GABRB1: variants seen among roughly 807,000 people sequenced by gnomAD.
The protein encoded by GABRB1 is gamma-aminobutyric acid type A receptor subunit beta1, also known as gamma-aminobutyric acid receptor subunit beta-1.
A neutral mutation model predicts 51.6 loss-of-function variants in GABRB1; 17 were observed. The observed-to-expected ratio is 0.33, with a 90% CI of 0.23 to 0.49. The LOEUF is 0.49. Ranked by LOEUF, GABRB1 falls within the 20% of genes least tolerant of loss-of-function variation. GABRB1 has a pLI of 0.99. For synonymous variants in GABRB1, 247 were observed against 218.9 expected, an observed-to-expected ratio of 1.13 and a Z score of -1.14; for missense variants, 410 against 600.6, an observed-to-expected ratio of 0.68 and a Z score of 3.32.
At chr4:47,107,836 A>T in intron 3 of GABRB1, among the ~76,000 whole-genome samples, 1 of 152,206 alleles carries the variant, frequency 6.6e-6, no homozygotes, top group East Asian at 1.9e-4. Flanking sequence ...CCCAAAACTT[A>T]AAAGAGCTCA....
At chr4:47,345,480 G>A (rs1726055699) in intron 5 of GABRB1, among the ~76,000 whole-genome samples, 1 of 152,170 alleles carries the variant, frequency 6.6e-6, no homozygotes, top group South Asian at 2.1e-4. Context: ...GAGTTAACTA[G>A]GCAAAGAGGA....
chr4:47,214,347 T>C (rs1720474883), intron 4 of GABRB1, among the ~76,000 whole-genome samples: 1 of 152,202 alleles, frequency 6.6e-6, no homozygotes, highest in Admixed American at 6.5e-5. Flanking sequence ...CCTTGCAGTC[T>C]CTACCTCTCA....
At chr4:47,323,943 C>T (rs1298049356) in intron 5 of GABRB1, among the ~76,000 whole-genome samples, 1 of 152,106 alleles carries the variant, frequency 6.6e-6, no homozygotes, top group Non-Finnish European at 1.5e-5. Context: ...GGAATTTAGT[C>T]TAAAGCGTAT....
At chr4:47,148,462 C>T (rs372712736) in intron 3 of GABRB1, among the ~76,000 whole-genome samples, 1 of 152,054 alleles carries the variant, frequency 6.6e-6, no homozygotes, top group Admixed American at 6.6e-5. Flanking sequence ...CCTCTAAGCA[C>T]ATAACAATAT....
chr4:47,173,233 A>G (rs752695270), intron 4 of GABRB1, among the ~76,000 whole-genome samples: 6 of 152,324 alleles, frequency 3.9e-5, no homozygotes, highest in East Asian at 1.9e-4. Flanking sequence ...TTGTTCTACA[A>G]TACAAACATC....
intron 3 of GABRB1, among the ~76,000 whole-genome samples, chr4:47,067,443 G>A (rs1727134671): frequency 6.6e-6 from 1 of 152,078 alleles, no homozygotes; most frequent in South Asian, 2.1e-4. Context: ...CCAATAGAAG[G>A]CTGTTTCATC....
chr4:47,017,186 C>T (rs888954871), intron 1 of GABRB1, among the ~76,000 whole-genome samples: 6 of 152,158 alleles, frequency 3.9e-5, no homozygotes, highest in African/African-American at 1.2e-4. Flanking sequence ...ATAGTTTATG[C>T]GTTTATGAAA....
chr4:47,303,452 A>G (rs1724335267), intron 4 of GABRB1, among the ~76,000 whole-genome samples: 1 of 151,796 alleles, frequency 6.6e-6, no homozygotes, highest in Admixed American at 6.6e-5. Context: ...AGGAAATAAT[A>G]TCAAGTTACT....
At chr4:47,164,757 C>A (rs758547498) in intron 4 of GABRB1, among the ~76,000 whole-genome samples, 2 of 152,028 alleles carry the variant, frequency 1.3e-5, no homozygotes, top group Non-Finnish European at 2.9e-5. Flanking sequence ...TGAACTATGT[C>A]AATTCATATT....
intron 4 of GABRB1, among the ~76,000 whole-genome samples, chr4:47,285,257 G>C (rs1723465406): frequency 6.6e-6 from 1 of 152,194 alleles, no homozygotes; most frequent in African/African-American, 2.4e-5. Context: ...TACCCAGTTA[G>C]TTCTTGGATA....
intron 7 of GABRB1, among the ~76,000 whole-genome samples, chr4:47,404,489 G>A (rs1454740588): frequency 6.9e-6 from 1 of 145,656 alleles, no homozygotes; most frequent in East Asian, 2.1e-4. Flanking sequence ...ACACACGCAT[G>A]CACACACACA....
At chr4:47,122,886 C>T (rs1379386906) in intron 3 of GABRB1, among the ~76,000 whole-genome samples, 1 of 152,140 alleles carries the variant, frequency 6.6e-6, no homozygotes, top group African/African-American at 2.4e-5. Flanking sequence ...ACTGGCAGAT[C>T]CTGAGAAAAA....
At chr4:47,388,532 T>A (rs1019266677) in intron 5 of GABRB1, among the ~76,000 whole-genome samples, 19 of 152,326 alleles carry the variant, frequency 1.2e-4, no homozygotes, top group Admixed American at 1.0e-3. Context: ...TTGGATTCTA[T>A]GATCGCAAAT....
At chr4:47,250,497 T>C (rs1721945575) in intron 4 of GABRB1, among the ~76,000 whole-genome samples, 1 of 152,186 alleles carries the variant, frequency 6.6e-6, no homozygotes, top group Non-Finnish European at 1.5e-5. Flanking sequence ...AATGTCTAGG[T>C]CTCTAGCAAG....
chr4:47,400,092 G>A (rs1235726454), intron 5 of GABRB1, among the ~76,000 whole-genome samples: 1 of 151,968 alleles, frequency 6.6e-6, no homozygotes, highest in Non-Finnish European at 1.5e-5. Flanking sequence ...AGCTTTTATA[G>A]TTTCTTCATG....
intron 3 of GABRB1, among the ~76,000 whole-genome samples, chr4:47,036,742 G>T (rs920152716): frequency 3.9e-5 from 6 of 151,988 alleles, no homozygotes; most frequent in South Asian, 4.2e-4. Context: ...CGTGCCTATA[G>T]TTCCAGCTAC....
At chr4:47,162,807 G>A (rs1386333444) in intron 4 of GABRB1, among the ~76,000 whole-genome samples, 1 of 152,030 alleles carries the variant, frequency 6.6e-6, no homozygotes, top group Non-Finnish European at 1.5e-5. Context: ...TCCCTTCGGA[G>A]CCAACCCAGT....
At chr4:47,218,624 G>A (rs573823539) in intron 4 of GABRB1, among the ~76,000 whole-genome samples, 5 of 151,776 alleles carry the variant, frequency 3.3e-5, no homozygotes, top group South Asian at 4.2e-4. Context: ...TTGGCCATTC[G>A]TATGTATTAT....
intron 3 of GABRB1, among the ~76,000 whole-genome samples, chr4:47,116,712 G>C (rs1263085491): frequency 6.6e-6 from 1 of 151,810 alleles, no homozygotes; most frequent in African/African-American, 2.4e-5. Context: ...ACTTTTCTTT[G>C]GGCAAGTGTA....
Sources: allele counts gnomAD v4.1 joint callset (sites outside exome capture counted in the v4.1 genomes callset), GRCh38; gene constraint gnomAD v4.1.1; transcripts MANE v1.5; gene names NCBI Gene and HGNC (gene_info 2026-07-23, HGNC 2026-07-21).